PPM1B: variants seen among roughly 807,000 people sequenced by gnomAD.
PPM1B encodes the protein protein phosphatase, Mg2+/Mn2+ dependent 1B.
PPM1B carries 22 observed loss-of-function variants against 43.0 expected under a neutral mutation model. The ratio of observed to expected loss-of-function variants is 0.51; its 90% CI spans 0.37 to 0.73. The LOEUF is 0.73. Ranked by LOEUF, PPM1B falls within the 30% of genes least tolerant of loss-of-function variation. The pLI, the probability that PPM1B is intolerant of heterozygous loss-of-function variation, is 0.00. For synonymous variants in PPM1B, 217 were observed against 197.9 expected (o/e 1.10, Z -0.81); for missense variants, 632 against 584.2 (o/e 1.08, Z -0.84).
intron 2 of PPM1B, among the ~76,000 whole-genome samples, chr2:44,204,731 C>CG (rs1669088166): frequency 5.9e-5 from 9 of 151,524 alleles, no homozygotes; most frequent in Admixed American, 5.9e-4. Flanking sequence ...TTGTGGTGGG[C>CG]GCTTGTAGTC....
downstream of PPM1B, among the ~76,000 whole-genome samples, chr2:44,236,702 A>G (rs950048570): frequency 7.2e-5 from 11 of 152,198 alleles, no homozygotes; most frequent in African/African-American, 2.7e-4. Flanking sequence ...TCCAGCTTCA[A>G]TACTTGAAAT....
intron 5 of PPM1B, among the ~76,000 whole-genome samples, chr2:44,224,870 A>G (rs1670143563): frequency 6.6e-6 from 1 of 152,222 alleles, no homozygotes; most frequent in Non-Finnish European, 1.5e-5. Flanking sequence ...AAACTTCAAT[A>G]TGAAATAACC....
chr2:44,212,986 C>T (rs1349917171), intron 3 of PPM1B, among the ~76,000 whole-genome samples: 2 of 139,232 alleles, frequency 1.4e-5, no homozygotes, highest in African/African-American at 5.5e-5. Flanking sequence ...GCACTCCAGG[C>T]TGGGCGACAG....
At chr2:44,242,789 G>T (rs113807389) in intron 5 of PPM1B, among the ~76,000 whole-genome samples, 3 of 151,884 alleles carry the variant, frequency 2.0e-5, no homozygotes, top group South Asian at 2.1e-4. Context: ...TAACATTAAA[G>T]GATATTCTGT....
At chr2:44,236,575 G>A (rs1405974412), downstream of PPM1B, among the ~76,000 whole-genome samples, 6 of 151,912 alleles carry the variant, frequency 3.9e-5, no homozygotes, top group South Asian at 2.1e-4. Flanking sequence ...CATATTAGCC[G>A]TATATTTGAG....
downstream of PPM1B, among the ~76,000 whole-genome samples, chr2:44,237,548 T>C (rs1245719158): frequency 2.0e-5 from 3 of 152,238 alleles, no homozygotes; most frequent in Non-Finnish European, 4.4e-5. Flanking sequence ...ATTTCTGCTA[T>C]CTTGTAAGTA....
intron 5 of PPM1B, 122 bp downstream of exon 5, chr2:44,218,659 T>G (rs944822622): frequency 2.9e-6 from 2 of 685,972 alleles, no homozygotes; most frequent in South Asian, 2.0e-5. Context: ...TACTACTGCT[T>G]TTCATTTTAA....
intron 5 of PPM1B, among the ~76,000 whole-genome samples, chr2:44,229,129 C>T (rs1670357690): frequency 6.6e-6 from 1 of 151,506 alleles, no homozygotes; most frequent in South Asian, 2.1e-4. Flanking sequence ...TTGTGGTGAG[C>T]CGAGAACATG....
downstream of PPM1B, among the ~76,000 whole-genome samples, chr2:44,239,179 C>CAAA (rs1193340508): frequency 5.0e-4 from 45 of 89,614 alleles, no homozygotes; most frequent in Non-Finnish European, 6.7e-4. Flanking sequence ...GTCTCTAATA[C>CAAA]AAAAAAAAAA....
intron 2 of PPM1B, 82 bp downstream of exon 2, chr2:44,202,127 T>A: frequency 7.7e-7 from 1 of 1,305,578 alleles, no homozygotes; most frequent in Non-Finnish European, 1.0e-6. Context: ...CTTAAAATTT[T>A]AAAACTTTTA....
In PPM1B at chr2:44,209,431, C is replaced by CAAA. The variant is rs61189208; in HGVS notation, c.964+115_964+117dup. ...TGGGCGACACACCAAGGCTCTGTCTCAAAAAAAAAAAAATTTAGAGAGGGA... is the reference window on the plus strand; with the variant it reads ...TGGGCGACACACCAAGGCTCTGTCTCAAAAAAAAAAAAAAAATTTAGAGAGGGA... On this transcript the variant is annotated intron_variant, in intron 3 of 5. Coordinates refer to ENST00000282412, the MANE Select transcript of PPM1B (RefSeq NM_002706.6). 1.0e-4 allele frequency: 93 copies of CAAA among 890,382 alleles called. No individual in the cohort carries two copies. The African/African-American group carries it at 1.1e-3, about 10-fold the overall frequency. 55.2% of individuals were successfully genotyped at this position (890,382 alleles called of 1,614,324 possible).
chr2:44,219,911 C>T (rs1669894193), intron 5 of PPM1B, among the ~76,000 whole-genome samples: 1 of 151,572 alleles, frequency 6.6e-6, no homozygotes, highest in East Asian at 1.9e-4. Flanking sequence ...CCATTGCACT[C>T]CACCCTGGGC....
At chr2:44,222,744 A>G (rs1209736519) in intron 5 of PPM1B, among the ~76,000 whole-genome samples, 1 of 152,162 alleles carries the variant, frequency 6.6e-6, no homozygotes, top group Admixed American at 6.5e-5. Context: ...GGTAGAGATT[A>G]TGTATGTCTG....
At chr2:44,220,050 C>T (rs915160778) in intron 5 of PPM1B, among the ~76,000 whole-genome samples, 1 of 151,810 alleles carries the variant, frequency 6.6e-6, no homozygotes, top group Non-Finnish European at 1.5e-5. Context: ...AGGATGTTGA[C>T]ATATGACTAA....
chr2:44,174,665 A>AT lies in PPM1B; in HGVS notation c.-15+5394dup, dbSNP rs1667497540. Among the ~76,000 whole-genome samples, 8 of 152,242 alleles carry AT rather than the reference A, an allele frequency of 5.3e-5. No homozygotes were observed. In the South Asian group the frequency reaches 1.7e-3, roughly 32 times the overall value. On this transcript the variant is annotated intron_variant, in intron 1 of 5. Transcript: ENST00000282412. ...GTTCTGATCAATAATATGTAGAGTA[A>AT]TTTGTAAGAGTTTGAAGGCTTGCGA...
chr2:44,244,237 T>C (rs894803809), exon 6 of PPM1B: 19 of 1,331,854 alleles, frequency 1.4e-5, no homozygotes, highest in Non-Finnish European at 1.9e-5. Context: ...GATGGCAGTC[T>C]TGGGCACGTC....
downstream of PPM1B, among the ~76,000 whole-genome samples, chr2:44,244,667 C>T (rs1670821514): frequency 2.6e-5 from 4 of 151,812 alleles, no homozygotes; most frequent in South Asian, 8.3e-4. Context: ...TCCCAGATCT[C>T]TTCTGAAAGG....
chr2:44,235,017 CAGAT>C (rs1412048913), downstream of PPM1B, among the ~76,000 whole-genome samples: 1 of 152,118 alleles, frequency 6.6e-6, no homozygotes, highest in Non-Finnish European at 1.5e-5. Context: ...TGGCCTCACA[CAGAT>C]AGGTAGTTGG....
chr2:44,183,801 C>T (rs1175777719), intron 1 of PPM1B, among the ~76,000 whole-genome samples: 4 of 152,112 alleles, frequency 2.6e-5, no homozygotes, highest in South Asian at 2.1e-4. Context: ...TGCAGTGGCG[C>T]GATCTCGGCT....
Sources: gnomAD v4.1 joint callset for allele counts (sites outside exome capture counted in the v4.1 genomes callset) on GRCh38, gnomAD v4.1.1 for gene constraint, MANE v1.5 for transcripts, NCBI Gene and HGNC (gene_info 2026-07-23, HGNC 2026-07-21) for gene names.